Variants in SKIL observed in about 807,000 individuals in gnomAD.
SKIL encodes SKI like proto-oncogene, also known as ski-like protein.
In SKIL, 20 loss-of-function variants were observed where a neutral mutation model predicts 69.6. The ratio of observed to expected loss-of-function variants is 0.29; its 90% CI spans 0.20 to 0.42. The LOEUF (loss-of-function observed/expected upper bound fraction) is 0.42, where lower values mean the gene tolerates loss of function less well. Among genes scored for constraint, SKIL ranks in the 10% least tolerant of loss-of-function variants. The pLI is 1.00. For synonymous variants in SKIL, 310 were observed against 279.9 expected (o/e 1.11, Z -1.08); for missense variants, 745 against 783.1 (o/e 0.95, Z 0.58).
At chr3:170,370,671 A>C (rs1382441890) in intron 2 of SKIL, among the ~76,000 whole-genome samples, 1 of 152,162 alleles carries the variant, frequency 6.6e-6, no homozygotes, top group Non-Finnish European at 1.5e-5. Flanking sequence ...TGAGATTTCA[A>C]ATGGCATTAA....
At chr3:170,391,722 T>C (rs1160504337) in intron 6 of SKIL, among the ~76,000 whole-genome samples, 3 of 152,246 alleles carry the variant, frequency 2.0e-5, no homozygotes, top group Admixed American at 2.0e-4. Context: ...TGCTGTATTG[T>C]CCAAGATGAT....
At chr3:170,368,245 G>C (rs1736640822) in intron 2 of SKIL, among the ~76,000 whole-genome samples, 1 of 152,170 alleles carries the variant, frequency 6.6e-6, no homozygotes, top group Non-Finnish European at 1.5e-5. Context: ...TAAGTTGAGA[G>C]TCAGATGAAG....
At position 170,394,115 on chromosome 3, in the gene SKIL, A is replaced by ATTTTTTTTTTT. The variant is rs559327626; in HGVS notation, c.*1719_*1729dup. ...ATATTAAAATGACATGTAGAAACAA[A>ATTTTTTTTTTT]TTTTTTTTTTTTTTTTTTTTTTTTT... On this transcript the variant is annotated 3_prime_UTR_variant, in exon 7 of 7. Transcript: ENST00000259119. 60 of 74,366 alleles carry ATTTTTTTTTTT rather than the reference A, an allele frequency of 8.1e-4. 4 individuals are homozygous for ATTTTTTTTTTT. The highest frequency in any genetic ancestry group is 3.0e-3 in the African/African-American group (58 of 19,336). 4.6% of individuals were successfully genotyped at this position (74,366 alleles called of 1,614,324 possible). A position where few individuals can be genotyped will look rare whatever the true frequency, so the allele number is the denominator to read the frequency against.
intron 2 of SKIL, among the ~76,000 whole-genome samples, chr3:170,372,626 C>T (rs560720352): frequency 1.3e-5 from 2 of 152,114 alleles, no homozygotes; most frequent in Non-Finnish European, 2.9e-5. Context: ...GATTCTGTTT[C>T]TTTTGGTAAG....
At chr3:170,366,672 A>AACACACACACAC (rs778933453) in intron 2 of SKIL, among the ~76,000 whole-genome samples, 249 of 112,450 alleles carry the variant, frequency 2.2e-3, no homozygotes, top group African/African-American at 8.1e-3. Flanking sequence ...TCTGTCTCAA[A>AACACACACACAC]ACACACACAC....
In SKIL at chr3:170,376,266, C is replaced by T. The variant is rs140593613; in HGVS notation, c.1099-4978C>T. Among the ~76,000 whole-genome samples, 320 of 151,748 alleles carry T rather than the reference C, an allele frequency of 2.1e-3. 2 individuals carry two copies. The highest frequency in any genetic ancestry group is 7.3e-3 in the African/African-American group (302 of 41,416). Reference sequence around the variant, plus strand: ...TTTCACCATTTGGTCAGGCTGGTTTCGAACTCCGGACCTCAAATGATCCAC... The same window carrying T: ...TTTCACCATTTGGTCAGGCTGGTTTTGAACTCCGGACCTCAAATGATCCAC... On this transcript the variant is annotated intron_variant, in intron 2 of 6. Transcript: ENST00000259119.
At chr3:170,377,176 A>G (rs1737070142) in intron 2 of SKIL, among the ~76,000 whole-genome samples, 1 of 152,138 alleles carries the variant, frequency 6.6e-6, no homozygotes, top group South Asian at 2.1e-4. Context: ...TTGTTTTATA[A>G]ATAAGCAGTG....
intron 4 of SKIL, among the ~76,000 whole-genome samples, chr3:170,388,302 T>C (rs75295239): frequency 0.016 from 2,432 of 152,246 alleles, 68 homozygotes; most frequent in African/African-American, 0.056. Flanking sequence ...ACATTGCATA[T>C]CTTTGGAGAA....
chr3:170,376,546 C>G (rs1011678013), intron 2 of SKIL, among the ~76,000 whole-genome samples: 1 of 152,102 alleles, frequency 6.6e-6, no homozygotes, highest in African/African-American at 2.4e-5. Flanking sequence ...GTATACAGAA[C>G]ATAATTTAGC....
chr3:170,391,194 A>G lies in SKIL; in HGVS notation c.1830A>G (p.Ile610Met), dbSNP rs1402054791. The change falls in exon 6 of 7, where the codon ATA (isoleucine) becomes ATG (methionine). Residue 610 changes from isoleucine (I) to methionine (M), a missense_variant. Ile to Met is a conservative substitution (Grantham distance 10, BLOSUM62 1). Transcript: ENST00000259119. Reference sequence around the variant, plus strand: ...ACTTAGAGAAAAAATTGGAGCAGATAATGAAGCAAAAATGTACCTGTGACT... The same window carrying G: ...ACTTAGAGAAAAAATTGGAGCAGATGATGAAGCAAAAATGTACCTGTGACT... ...QKDLEKKLEQ[I>M]MKQKCTCDSN... 2 of 1,613,354 alleles carry G rather than the reference A, an allele frequency of 1.2e-6. No individual in the cohort carries two copies. Among genetic ancestry groups the G allele is most frequent in the South Asian group, 1.1e-5 (1 of 91,000 alleles).
In SKIL at chr3:170,390,279, A is replaced by T; in HGVS notation, c.1486A>T (p.Asn496Tyr). 1 of 1,613,196 alleles carries T rather than the reference A, an allele frequency of 6.2e-7. No individual in the cohort carries two copies. Among genetic ancestry groups the T allele is most frequent in the African/African-American group, 1.3e-5 (1 of 75,056 alleles). Reference protein sequence around the residue: ...SKRKSESATCNLVRDINKVGI... With the variant: ...SKRKSESATCYLVRDINKVGI... ...AAGGAAATCTGAGTCTGCCACTTGC[A>T]ACTTAGTCAGAGACATAAACAAAGT... Residue 496 changes from asparagine to tyrosine, a missense_variant, in exon 5 of 7, where the codon AAC becomes TAC. Physicochemically the swap from Asn to Tyr is moderately radical, Grantham distance 143. Transcript: ENST00000259119.
At chr3:170,369,463 G>T (rs769212933) in intron 2 of SKIL, among the ~76,000 whole-genome samples, 1 of 152,094 alleles carries the variant, frequency 6.6e-6, no homozygotes, top group Non-Finnish European at 1.5e-5. Flanking sequence ...GTGCAATAAG[G>T]CAATCTCGGC....
intron 2 of SKIL, among the ~76,000 whole-genome samples, chr3:170,380,943 C>T (rs984137739): frequency 6.6e-6 from 1 of 151,944 alleles, no homozygotes; most frequent in Non-Finnish European, 1.5e-5. Flanking sequence ...ATTCTCCCAC[C>T]TCAGTCTCCC....
At chr3:170,369,386 G>T (rs953709129) in intron 2 of SKIL, among the ~76,000 whole-genome samples, 1 of 152,086 alleles carries the variant, frequency 6.6e-6, no homozygotes, top group African/African-American at 2.4e-5. Flanking sequence ...GGAAACCAAA[G>T]AAGTAATCAA....
chr3:170,391,486 A>C (rs1465097037), intron 6 of SKIL, among the ~76,000 whole-genome samples: 1 of 151,802 alleles, frequency 6.6e-6, no homozygotes, highest in African/African-American at 2.4e-5. Flanking sequence ...TGCCCAGCTA[A>C]ATTTTGTATT....
rs545678189 is a variant in SKIL at position 170,363,932 on chromosome 3, C to T, written c.1098+2503C>T. ...CCCTTTTGATATTTGTGATATCTTG[C>T]CCCCAAGCTAATTAGGTGCTGTACT... is the stretch of plus-strand genomic sequence containing the variant. On this transcript the variant is annotated intron_variant, in intron 2 of 6. Coordinates refer to ENST00000259119, the MANE Select transcript of SKIL (RefSeq NM_005414.5). 1.1e-4 allele frequency among the ~76,000 whole-genome samples: 16 copies of T among 152,194 alleles called. No homozygotes were observed. The South Asian group carries it at 3.1e-3, about 30-fold the overall frequency.
At chr3:170,370,356 C>T (rs903472825) in intron 2 of SKIL, among the ~76,000 whole-genome samples, 5 of 142,524 alleles carry the variant, frequency 3.5e-5, no homozygotes, top group Non-Finnish European at 6.0e-5. Context: ...TTCATGACTT[C>T]TAGACTTAAG....
intron 2 of SKIL, among the ~76,000 whole-genome samples, chr3:170,374,462 A>C (rs1170558909): frequency 6.6e-6 from 1 of 152,212 alleles, no homozygotes; most frequent in African/African-American, 2.4e-5. Context: ...TTGTATTTTA[A>C]AATTTAAATA....
chr3:170,392,390 G>C lies in SKIL; in HGVS notation c.2028G>C (p.Leu676=), dbSNP rs769857457. ...MMIKELKLQI[L]KSSKTAKE is the part of the protein sequence containing the mutation. Reference sequence around the variant, plus strand: ...TAAAAGAGCTAAAGCTGCAAATTCTGAAATCATCAAAGACTGCTAAAGAAT... The same window carrying C: ...TAAAAGAGCTAAAGCTGCAAATTCTCAAATCATCAAAGACTGCTAAAGAAT... The change falls in exon 7 of 7, where the codon CTG becomes CTC. Residue 676 remains leucine (L), a synonymous_variant. Transcript: ENST00000259119. 1 of 1,611,482 alleles carries C rather than the reference G, an allele frequency of 6.2e-7. No individual in the cohort carries two copies. Among genetic ancestry groups the C allele is most frequent in the South Asian group, 1.1e-5 (1 of 90,820 alleles).
Sources: allele counts gnomAD v4.1 joint callset (sites outside exome capture counted in the v4.1 genomes callset), GRCh38; gene constraint gnomAD v4.1.1; transcripts MANE v1.5; gene names NCBI Gene and HGNC (gene_info 2026-07-23, HGNC 2026-07-21).